DEFB125: variants seen among roughly 807,000 people sequenced by gnomAD.
DEFB125 encodes the protein beta-defensin 125.
In DEFB125, 11 loss-of-function variants were observed where a neutral mutation model predicts 11.8. The observed-to-expected ratio is 0.94, with a 90% CI of 0.59 to 1.55. The LOEUF is 1.55. DEFB125 is among the 40% of genes most tolerant of loss of function. DEFB125 has a pLI of 0.00. For synonymous variants in DEFB125, 79 were observed against 66.7 expected, an observed-to-expected ratio of 1.18 and a Z score of -0.90; for missense variants, 198 against 191.2, an observed-to-expected ratio of 1.04 and a Z score of -0.21.
At chr20:92,487 G>T (rs2054500006) in intron 1 of DEFB125, among the ~76,000 whole-genome samples, 1 of 150,696 alleles carries the variant, frequency 6.6e-6, no homozygotes, top group Non-Finnish European at 1.5e-5. Context: ...CCAACTCCCT[G>T]GTTCAAGTGA....
intron 1 of DEFB125, among the ~76,000 whole-genome samples, chr20:95,385 T>C (rs2054511189): frequency 6.6e-6 from 1 of 152,234 alleles, no homozygotes; most frequent in East Asian, 1.9e-4. Flanking sequence ...CAATCACATT[T>C]ATTGATTTGC....
In DEFB125 at chr20:87,709, C is replaced by T; in HGVS notation, c.-1C>T. ...ACAGAGCTTCCTCTCTCCCAGGAGC[C>T]ATGAATATCCTGATGCTGACCTTCA... On this transcript the variant is annotated 5_prime_UTR_variant, in exon 1 of 2. Coordinates refer to ENST00000382410, the MANE Select transcript of DEFB125 (RefSeq NM_153325.4). 6.2e-7 allele frequency: 1 copy of T among 1,613,110 alleles called. No homozygotes were observed. Among genetic ancestry groups the T allele is most frequent in the Non-Finnish European group, 8.5e-7 (1 of 1,179,190 alleles).
intron 1 of DEFB125, among the ~76,000 whole-genome samples, chr20:88,861 C>T (rs1001513328): frequency 1.0e-4 from 13 of 128,686 alleles, no homozygotes; most frequent in South Asian, 7.3e-4. Flanking sequence ...TGACTGGACA[C>T]GTGGACACAC....
intron 1 of DEFB125, among the ~76,000 whole-genome samples, chr20:88,079 C>T (rs141687442): frequency 5.6e-4 from 85 of 152,274 alleles, no homozygotes; most frequent in African/African-American, 1.8e-3. Flanking sequence ...ACTTCCATTT[C>T]GATTATTCTG....
At chr20:95,324 T>C (rs1399408735) in intron 1 of DEFB125, among the ~76,000 whole-genome samples, 4 of 152,202 alleles carry the variant, frequency 2.6e-5, no homozygotes, top group Non-Finnish European at 5.9e-5. Flanking sequence ...CTCATATTAT[T>C]CCAACCCACC....
chr20:97,082 A>G lies in DEFB125; in HGVS notation c.*665A>G, dbSNP rs2054518704. ...TACATCATATTAAATTAAAAGCTGC[A>G]TCTCAAATTCTACTTATCTTTCCAA... is the stretch of plus-strand genomic sequence containing the variant. On this transcript the variant is annotated 3_prime_UTR_variant, in exon 2 of 2. Coordinates refer to ENST00000382410, the MANE Select transcript of DEFB125 (RefSeq NM_153325.4). 6.6e-6 allele frequency: 1 copy of G among 152,220 alleles called. No individual in the cohort carries two copies. The highest frequency in any genetic ancestry group is 2.1e-4 in the South Asian group (1 of 4,822). 9.4% of individuals were successfully genotyped at this position (152,220 alleles called of 1,614,324 possible).
chr20:91,833 G>A (rs1420280428), intron 1 of DEFB125, among the ~76,000 whole-genome samples: 3 of 152,192 alleles, frequency 2.0e-5, no homozygotes, highest in Non-Finnish European at 4.4e-5. Flanking sequence ...TGTGAGGAAC[G>A]AAGAAGCAAG....
chr20:95,927 T>C, intron 1 of DEFB125, 78 bp from the exon 2 acceptor site: 1 of 1,336,368 alleles, frequency 7.5e-7, no homozygotes, highest in South Asian at 1.5e-5. Flanking sequence ...TGTCAGTCAG[T>C]GTAAATTTTT....
chr20:87,734 A>G lies in DEFB125; in HGVS notation c.25A>G (p.Ile9Val), dbSNP rs754912258. Residue 9 changes from isoleucine to valine, a missense_variant, in exon 1 of 2, where the codon ATT becomes GTT. Physicochemically the swap from Ile to Val is conservative, Grantham distance 29. Coordinates refer to ENST00000382410, the MANE Select transcript of DEFB125 (RefSeq NM_153325.4). Reference protein sequence around the residue: MNILMLTFIICGLLTRVTK... With the variant: MNILMLTFVICGLLTRVTK... ...CATGAATATCCTGATGCTGACCTTC[A>G]TTATCTGTGGGTTGCTAACTCGGGT... The G allele has an allele frequency of 1.9e-6, 3 of 1,613,224 alleles. No individual in the cohort carries two copies. In the Admixed American group the frequency reaches 5.0e-5, roughly 27 times the overall value.
intron 1 of DEFB125, among the ~76,000 whole-genome samples, chr20:93,536 A>G (rs118169043): frequency 1.3e-5 from 2 of 152,316 alleles, no homozygotes; most frequent in East Asian, 1.9e-4. Flanking sequence ...CCTTCATACT[A>G]CTAAAAGCAT....
chr20:96,659 G>T lies in DEFB125; in HGVS notation c.*242G>T. 2.2e-6 allele frequency: 1 copy of T among 460,998 alleles called. No homozygotes were observed. Among genetic ancestry groups the T allele is most frequent in the Non-Finnish European group, 3.8e-6 (1 of 264,436 alleles). 28.6% of individuals were successfully genotyped at this position (460,998 alleles called of 1,614,324 possible). ...TTAATTGGACTTAAATTCTTTATCT[G>T]TCTTCCTCCGATGTACTCAAATATA... On this transcript the variant is annotated 3_prime_UTR_variant, in exon 2 of 2. Coordinates refer to ENST00000382410, the MANE Select transcript of DEFB125 (RefSeq NM_153325.4).
At chr20:87,852 G>A (rs1056943500) in intron 1 of DEFB125, 85 bp downstream of exon 1, 1 of 1,423,976 alleles carries the variant, frequency 7.0e-7, no homozygotes, top group African/African-American at 1.4e-5. Context: ...GGAAGAGAGG[G>A]AATCTGCAGG....
chr20:95,984 C>T (rs750637651), intron 1 of DEFB125, 21 bp from the exon 2 acceptor site: 1 of 1,539,036 alleles, frequency 6.5e-7, no homozygotes, highest in Admixed American at 2.1e-5. Context: ...AAAAATTTGA[C>T]CTATATTTTA....
Position 87,727 on chromosome 20 carries a change from G to C in DEFB125, c.18G>C (p.Leu6=), listed in dbSNP as rs1223208808. The C allele has an allele frequency of 6.2e-7, 1 of 1,613,174 alleles. No individual in the cohort carries two copies. The highest frequency in any genetic ancestry group is 8.5e-7 in the Non-Finnish European group (1 of 1,179,252). Residue 6 remains leucine (L), a synonymous_variant, in exon 1 of 2, where the codon CTG becomes CTC. Coordinates refer to ENST00000382410, the MANE Select transcript of DEFB125 (RefSeq NM_153325.4). ...CAGGAGCCATGAATATCCTGATGCT[G>C]ACCTTCATTATCTGTGGGTTGCTAA... MNILM[L]TFIICGLLTR... is the part of the protein sequence containing the mutation.
chr20:90,708 C>T (rs2054493122), intron 1 of DEFB125, among the ~76,000 whole-genome samples: 1 of 152,192 alleles, frequency 6.6e-6, no homozygotes, highest in Admixed American at 6.5e-5. Context: ...TCTCTCACCT[C>T]ATCTCCTACT....
At chr20:92,979 T>C (rs900617284) in intron 1 of DEFB125, among the ~76,000 whole-genome samples, 3 of 150,690 alleles carry the variant, frequency 2.0e-5, no homozygotes, top group Non-Finnish European at 4.4e-5. Flanking sequence ...CTTTTTTTTT[T>C]TTTTTTTTGA....
chr20:92,384 G>T (rs1200651369), intron 1 of DEFB125, among the ~76,000 whole-genome samples: 3 of 149,372 alleles, frequency 2.0e-5, no homozygotes, highest in African/African-American at 7.5e-5. Flanking sequence ...TCTTGTAAAT[G>T]AACCTTCCTT....
At chr20:94,227 ATATC>A (rs1251476701) in intron 1 of DEFB125, among the ~76,000 whole-genome samples, 1 of 152,144 alleles carries the variant, frequency 6.6e-6, no homozygotes, top group Non-Finnish European at 1.5e-5. Context: ...GGTAATTAGC[ATATC>A]TATCACCTCA....
chr20:91,573 A>G (rs544888245), intron 1 of DEFB125, among the ~76,000 whole-genome samples: 1 of 152,328 alleles, frequency 6.6e-6, no homozygotes, highest in South Asian at 2.1e-4. Flanking sequence ...GATGTACCTC[A>G]AGGGCCCAGG....
Sources: gnomAD v4.1 joint callset for allele counts (sites outside exome capture counted in the v4.1 genomes callset) on GRCh38, gnomAD v4.1.1 for gene constraint, MANE v1.5 for transcripts, NCBI Gene and HGNC (gene_info 2026-07-23, HGNC 2026-07-21) for gene names.